The following PPEF1 variants were observed in gnomAD, a reference collection of about 807,000 sequenced individuals.
PPEF1 encodes the protein serine/threonine-protein phosphatase with EF-hands 1.
PPEF1 carries 12 observed loss-of-function variants against 53.3 expected under a neutral mutation model. The observed-to-expected ratio is 0.23, with a 90% CI of 0.14 to 0.36. The LOEUF is 0.36. Ranked by LOEUF, PPEF1 falls within the 10% of genes least tolerant of loss-of-function variation. The pLI is 1.00. For synonymous variants in PPEF1, 165 were observed against 176.7 expected, an observed-to-expected ratio of 0.93 and a Z score of 0.52; for missense variants, 334 against 490.4, an observed-to-expected ratio of 0.68 and a Z score of 3.01.
At chrX:18,825,302 T>G (rs2047146721) in intron 14 of PPEF1, among the ~76,000 whole-genome samples, 1 of 111,466 alleles carries the variant, frequency 9.0e-6, no homozygotes, top group Non-Finnish European at 1.9e-5. Context: ...AGGAGGCTTT[T>G]GACGTCACTT....
intron 14 of PPEF1, among the ~76,000 whole-genome samples, chrX:18,825,223 T>C (rs2041088245): frequency 9.0e-6 from 1 of 111,227 alleles, no homozygotes; most frequent in African/African-American, 3.3e-5. Context: ...TCATTTGCAG[T>C]GAAGATGAGA....
intron 7 of PPEF1, among the ~76,000 whole-genome samples, chrX:18,781,041 G>A (rs1258606528): frequency 1.2e-5 from 1 of 85,141 alleles, no homozygotes; most frequent in South Asian, 8.7e-4. Flanking sequence ...GGGCGACAGC[G>A]CAAGACTCTG....
At chrX:18,810,303 TTC>T (rs1364676818) in intron 12 of PPEF1, among the ~76,000 whole-genome samples, 3 of 109,258 alleles carry the variant, frequency 2.7e-5, no homozygotes, top group Non-Finnish European at 5.7e-5. Context: ...TTTAGAAAAT[TTC>T]TCTTTCTCTG....
intron 5 of PPEF1, among the ~76,000 whole-genome samples, chrX:18,698,793 A>C (rs766624470): frequency 9.0e-6 from 1 of 111,656 alleles, no homozygotes; most frequent in South Asian, 3.8e-4. Flanking sequence ...AAAATAAGAA[A>C]ACACACACAC....
chrX:18,821,566 G>A (rs139018709), intron 13 of PPEF1, among the ~76,000 whole-genome samples: 1,157 of 109,562 alleles, frequency 0.011, 18 homozygotes, highest in African/African-American at 0.035. Flanking sequence ...ATGCCACCAC[G>A]CCCAGCTAAT....
chrX:18,734,611 C>A (rs1191556400), intron 3 of PPEF1, among the ~76,000 whole-genome samples: 7 of 110,560 alleles, frequency 6.3e-5, no homozygotes, highest in African/African-American at 2.3e-4. Flanking sequence ...CTCTTTATAG[C>A]AGCATGATTT....
chrX:18,682,953 C>T (rs1056617162), upstream of PPEF1, among the ~76,000 whole-genome samples: 6 of 111,678 alleles, frequency 5.4e-5, no homozygotes, highest in Non-Finnish European at 1.1e-4. Context: ...GCCTCACAAT[C>T]ATGGCGGAGG....
At chrX:18,732,551 G>A (rs746114804) in intron 2 of PPEF1, among the ~76,000 whole-genome samples, 4 of 112,030 alleles carry the variant, frequency 3.6e-5, no homozygotes, top group Non-Finnish European at 7.5e-5. Flanking sequence ...CTATCGTAGT[G>A]GGTGTGAAGT....
intron 3 of PPEF1, among the ~76,000 whole-genome samples, chrX:18,690,353 G>A (rs1023469061): frequency 7.9e-5 from 8 of 101,244 alleles, no homozygotes; most frequent in African/African-American, 2.6e-4. Flanking sequence ...TATTTTCTAG[G>A]ACTTGTTTTT....
intron 15 of PPEF1, among the ~76,000 whole-genome samples, 175 bp downstream of exon 15, chrX:18,826,010 T>C (rs1452234918): frequency 8.9e-6 from 1 of 111,839 alleles, no homozygotes; most frequent in Non-Finnish European, 1.9e-5. Context: ...TAGGAGCCCA[T>C]TGTTTTGGAC....
chrX:18,811,587 G>GTATA (rs59907227), intron 12 of PPEF1, among the ~76,000 whole-genome samples: 1,234 of 43,772 alleles, frequency 0.028, 21 homozygotes, highest in Non-Finnish European at 0.042. Flanking sequence ...CACTTATTCA[G>GTATA]TATATATATA....
At chrX:18,826,687 A>T (rs748933085) in intron 15 of PPEF1, among the ~76,000 whole-genome samples, 4 of 109,614 alleles carry the variant, frequency 3.6e-5, no homozygotes, top group Non-Finnish European at 7.6e-5. Flanking sequence ...CAGCCTCCCA[A>T]AGTGCTGGGA....
chrX:18,684,358 G>C (rs1396747410), intron 1 of PPEF1, among the ~76,000 whole-genome samples: 2 of 111,315 alleles, frequency 1.8e-5, no homozygotes, highest in African/African-American at 6.5e-5. Context: ...TTCTCTTAAA[G>C]AAGAAACTTG....
upstream of PPEF1, among the ~76,000 whole-genome samples, chrX:18,680,284 C>G (rs1180338458): frequency 1.8e-5 from 2 of 109,572 alleles, no homozygotes; most frequent in African/African-American, 3.3e-5. Context: ...GTTCTCTCAC[C>G]TTGCTCGGGT....
intron 12 of PPEF1, among the ~76,000 whole-genome samples, chrX:18,816,724 T>C (rs2046924784): frequency 8.9e-6 from 1 of 112,049 alleles, no homozygotes; most frequent in Admixed American, 9.5e-5. Flanking sequence ...TGTTAGGTTC[T>C]CATGTGTTTA....
intron 12 of PPEF1, among the ~76,000 whole-genome samples, chrX:18,810,677 G>C (rs1418628057): frequency 1.8e-5 from 2 of 111,869 alleles, no homozygotes; most frequent in African/African-American, 6.5e-5. Flanking sequence ...ATGTTTTTGA[G>C]GTCATTCATG....
Position 18,707,679 on chromosome X carries a change from C to A in PPEF1, c.-102C>A. The A allele has an allele frequency of 1.4e-6, 1 of 705,694 alleles. No individual in the cohort carries two copies. The allele number at this position is 705,694 out of a possible 1,213,427, so 58.2% of individuals were successfully genotyped here. A position where few individuals can be genotyped will look rare whatever the true frequency, so the allele number is the denominator to read the frequency against. ...ATTAGAATCTATGACTGAAGAGGAT[C>A]GGCTAAGAGTGGTTCCTCGCAGCTT... is the stretch of plus-strand genomic sequence containing the variant. On this transcript the variant is annotated 5_prime_UTR_variant, in exon 1 of 16. Transcript: ENST00000470157.
intron 11 of PPEF1, among the ~76,000 whole-genome samples, chrX:18,804,597 G>A (rs1330912744): frequency 3.6e-5 from 4 of 111,919 alleles, no homozygotes; most frequent in Non-Finnish European, 5.6e-5. Context: ...GTGAGCCACC[G>A]CGCCTGGCCC....
At chrX:18,739,252 G>A (rs181737551) in intron 3 of PPEF1, among the ~76,000 whole-genome samples, 38 of 112,197 alleles carry the variant, frequency 3.4e-4, no homozygotes, top group African/African-American at 1.2e-3. Context: ...TGGTTTCTCC[G>A]CATCTTTGTG....
Sources: allele counts gnomAD v4.1 joint callset (sites outside exome capture counted in the v4.1 genomes callset), GRCh38; gene constraint gnomAD v4.1.1; transcripts MANE v1.5; gene names NCBI Gene and HGNC (gene_info 2026-07-23, HGNC 2026-07-21).